Variants in DLGAP2 observed in about 807,000 individuals in gnomAD.
DLGAP2 encodes DLG associated protein 2.
Under a neutral mutation model 100.3 loss-of-function variants are expected in DLGAP2, and 26 were observed. The ratio of observed to expected loss-of-function variants is 0.26; its 90% confidence interval spans 0.19 to 0.36. The LOEUF is 0.36. Among genes scored for constraint, DLGAP2 ranks in the 10% least tolerant of loss-of-function variants. The pLI is 1.00. For missense variants in DLGAP2, 1,858 were observed against 1,453.2 expected, an observed-to-expected ratio of 1.28 and a Z score of -4.53; for synonymous variants, 886 against 630.1, an observed-to-expected ratio of 1.41 and a Z score of -6.08.
Position 1,512,588 on chromosome 8 carries a change from C to A in DLGAP2, c.172+11157C>A, listed in dbSNP as rs538314932. ...AACACCTCACAGCAGCCTGCCGCAG[C>A]AGCGAAATGCCTGCACTGAGGCTGT... is the stretch of plus-strand genomic sequence containing the variant. On this transcript the variant is annotated intron_variant, in intron 4 of 14. Coordinates refer to ENST00000637795, the MANE Select transcript of DLGAP2 (RefSeq NM_001346810.2). 4.6e-5 allele frequency among the ~76,000 whole-genome samples: 7 copies of A among 152,156 alleles called. No homozygotes were observed. In the East Asian group the frequency reaches 9.7e-4, roughly 21 times the overall value.
intron 4 of DLGAP2, among the ~76,000 whole-genome samples, chr8:1,537,072 TA>T (rs1801177485): frequency 6.6e-6 from 1 of 151,198 alleles, no homozygotes; most frequent in Non-Finnish European, 1.5e-5. Flanking sequence ...TGGTATGTGG[TA>T]TGTGGTATGT....
At chr8:782,105 A>G (rs892850609) in intron 1 of DLGAP2, among the ~76,000 whole-genome samples, 4 of 152,184 alleles carry the variant, frequency 2.6e-5, no homozygotes, top group African/African-American at 9.7e-5. Flanking sequence ...GAAAAGATGA[A>G]TGAGGTGAAA....
At chr8:1,213,316 A>G (rs1157113375) in intron 2 of DLGAP2, among the ~76,000 whole-genome samples, 1 of 152,150 alleles carries the variant, frequency 6.6e-6, no homozygotes, top group African/African-American at 2.4e-5. Flanking sequence ...GATTTTACTA[A>G]AAGTTTTGAT....
At chr8:1,505,444 C>T (rs1042379665) in intron 4 of DLGAP2, among the ~76,000 whole-genome samples, 8 of 152,184 alleles carry the variant, frequency 5.3e-5, no homozygotes, top group African/African-American at 1.9e-4. Flanking sequence ...GTAGCATTGG[C>T]TGAAGAGCTT....
At chr8:1,281,800 C>T (rs1450851108) in intron 3 of DLGAP2, among the ~76,000 whole-genome samples, 1 of 152,190 alleles carries the variant, frequency 6.6e-6, no homozygotes, top group Non-Finnish European at 1.5e-5. Flanking sequence ...GGACGCGGTC[C>T]CACCCCACCA....
chr8:1,080,953 A>G (rs908404382), intron 2 of DLGAP2, among the ~76,000 whole-genome samples: 1 of 152,206 alleles, frequency 6.6e-6, no homozygotes, highest in Non-Finnish European at 1.5e-5. Context: ...GAAGCCATCG[A>G]TATCTTGATA....
In DLGAP2 at chr8:927,868, C is replaced by CA. The variant is rs1293678259; in HGVS notation, c.73+19909dup. ...AGAGAGCTAAATTGCAAAAAACAAACAAAAAAACCCCACAAAGGACCAGCA... is the reference window on the plus strand; with the variant it reads ...AGAGAGCTAAATTGCAAAAAACAAACAAAAAAAACCCCACAAAGGACCAGCA... On this transcript the variant is annotated intron_variant, in intron 2 of 14. Coordinates refer to ENST00000637795, the MANE Select transcript of DLGAP2 (RefSeq NM_001346810.2). Among the ~76,000 whole-genome samples, 8 of 152,230 alleles carry CA rather than the reference C, an allele frequency of 5.3e-5. No individual in the cohort carries two copies. In the South Asian group the frequency reaches 1.0e-3, roughly 20 times the overall value.
At chr8:1,486,306 G>T (rs1464102937) in intron 3 of DLGAP2, among the ~76,000 whole-genome samples, 1 of 152,190 alleles carries the variant, frequency 6.6e-6, no homozygotes, top group African/African-American at 2.4e-5. Context: ...TGTTCAAAGA[G>T]CATTTGCAAA....
chr8:757,622 G>T (rs1264699165), intron 1 of DLGAP2, among the ~76,000 whole-genome samples: 1 of 152,208 alleles, frequency 6.6e-6, no homozygotes, highest in Non-Finnish European at 1.5e-5. Flanking sequence ...TGGGTCACAG[G>T]CTGTGTGGTC....
intron 2 of DLGAP2, among the ~76,000 whole-genome samples, chr8:1,221,687 T>C (rs1208347930): frequency 2.0e-5 from 3 of 152,234 alleles, no homozygotes; most frequent in African/African-American, 7.2e-5. Context: ...TTCTCAAATA[T>C]ATTTTCCGAG....
At chr8:1,130,876 G>A (rs931530643) in intron 2 of DLGAP2, among the ~76,000 whole-genome samples, 1 of 138,774 alleles carries the variant, frequency 7.2e-6, no homozygotes, top group South Asian at 2.2e-4. Flanking sequence ...TTCATAGCAT[G>A]ACCCCTAGCT....
intron 2 of DLGAP2, among the ~76,000 whole-genome samples, chr8:1,211,767 C>G (rs905525673): frequency 6.6e-6 from 1 of 152,176 alleles, no homozygotes; most frequent in Non-Finnish European, 1.5e-5. Context: ...CCCAGCTACT[C>G]AGGAGGCTGA....
chr8:1,628,124 G>C (rs113776265), intron 7 of DLGAP2, among the ~76,000 whole-genome samples: 44 of 68,858 alleles, frequency 6.4e-4, no homozygotes, highest in African/African-American at 1.3e-3. Flanking sequence ...CTCACATTCT[G>C]TCTGACTTAC....
intron 6 of DLGAP2, among the ~76,000 whole-genome samples, chr8:1,614,704 C>T (rs563565071): frequency 2.6e-5 from 4 of 152,368 alleles, no homozygotes; most frequent in South Asian, 4.1e-4. Flanking sequence ...AAGCCAAGGA[C>T]AGTTGCTCAC....
intron 4 of DLGAP2, among the ~76,000 whole-genome samples, chr8:1,533,225 G>C (rs1005793083): frequency 1.3e-5 from 2 of 152,034 alleles, no homozygotes. Context: ...TCAACCGGGC[G>C]CAGTGGCTCA....
intron 3 of DLGAP2, among the ~76,000 whole-genome samples, chr8:1,317,017 G>C (rs184865676): frequency 2.2e-5 from 2 of 89,642 alleles, no homozygotes; most frequent in Non-Finnish European, 2.1e-5. Flanking sequence ...CGAGAAACTC[G>C]GCAGCTTTTA....
intron 2 of DLGAP2, among the ~76,000 whole-genome samples, chr8:1,205,296 C>T (rs561785554): frequency 1.3e-5 from 2 of 152,224 alleles, no homozygotes; most frequent in African/African-American, 4.8e-5. Context: ...CAGGAGGGGT[C>T]GGGGATAGCC....
At chr8:1,417,727 A>ACGGGGAGGCCTCACTCCTGCCT in intron 3 of DLGAP2, among the ~76,000 whole-genome samples, 7 of 111,578 alleles carry the variant, frequency 6.3e-5, no homozygotes, top group South Asian at 3.3e-4. Flanking sequence ...GAGGCTCCAG[A>ACGGGGAGGCCTCACTCCTGCCT]CACAGAAGCC....
In DLGAP2 at chr8:1,647,488, C is replaced by CAAAAA. The variant is rs567451595; in HGVS notation, c.1810+14476_1810+14480dup. On this transcript the variant is annotated intron_variant, in intron 8 of 14. Transcript: ENST00000637795. ...TGGGAGACAGAGAGAGACTCTGTCTCAAAAAAAAAAAAAAAAAAAAAAAAA... is the reference window on the plus strand; with the variant it reads ...TGGGAGACAGAGAGAGACTCTGTCTCAAAAAAAAAAAAAAAAAAAAAAAAAAAAAA... Among the ~76,000 whole-genome samples, 57 of 44,978 alleles carry CAAAAA rather than the reference C, an allele frequency of 1.3e-3. 17 individuals are homozygous for CAAAAA. The highest frequency in any genetic ancestry group is 2.7e-3 in the Non-Finnish European group (46 of 17,214). The allele number at this position is 44,978 out of a possible 152,430, so 29.5% of individuals were successfully genotyped here.
Sources: gnomAD v4.1 joint callset for allele counts (sites outside exome capture counted in the v4.1 genomes callset) on GRCh38, gnomAD v4.1.1 for gene constraint, MANE v1.5 for transcripts, NCBI Gene and HGNC (gene_info 2026-07-23, HGNC 2026-07-21) for gene names.